The following LGMN variants were observed in gnomAD, a reference collection of about 807,000 sequenced individuals.
The protein encoded by LGMN is legumain.
LGMN carries 36 observed loss-of-function variants against 56.8 expected under a neutral mutation model. The observed-to-expected ratio is 0.63, with a 90% CI of 0.49 to 0.84. The LOEUF is 0.84. LGMN is among the 40% of genes least tolerant of loss of function. The probability of loss-of-function intolerance (pLI) is 0.00; values close to 1 mark genes in which losing one functional copy is unlikely to be tolerated. For synonymous variants in LGMN, 199 were observed against 210.1 expected, an observed-to-expected ratio of 0.95 and a Z score of 0.46; for missense variants, 446 against 556.1, an observed-to-expected ratio of 0.80 and a Z score of 1.99.
chr14:92,704,698 C>T lies in LGMN; in HGVS notation c.1201G>A (p.Ala401Thr). The change falls in exon 13 of 14, where the codon GCG (alanine) becomes ACG (threonine). Residue 401 changes from alanine to threonine, a missense_variant. Transcript: ENST00000334869. The stretch of plus-strand genomic sequence containing the variant: ...ACCAGCACGTACAAATGTCTCAACG[C>T]ATACTCGTACTGGGAGAAAACAAAC... ...FNWHSPTYEY[A>T]LRHLYVLVNL... 6.2e-7 allele frequency: 1 copy of T among 1,613,072 alleles called. No individual in the cohort carries two copies. Among genetic ancestry groups the T allele is most frequent in the Non-Finnish European group, 8.5e-7 (1 of 1,179,006 alleles).
chr14:92,703,826 A>T lies in LGMN; in HGVS notation c.*493T>A. The T allele has an allele frequency of 3.1e-6, 1 of 321,686 alleles. No homozygotes were observed. 19.9% of individuals were successfully genotyped at this position (321,686 alleles called of 1,614,324 possible). ...CGTGAATATTTGGGTTCTGTTATAAATCTTTATTTTTTAAGACTTGAACAC... is the reference window on the plus strand; with the variant it reads ...CGTGAATATTTGGGTTCTGTTATAATTCTTTATTTTTTAAGACTTGAACAC... On this transcript the variant is annotated 3_prime_UTR_variant, in exon 14 of 14. Coordinates refer to ENST00000334869, the MANE Select transcript of LGMN (RefSeq NM_005606.7).
chr14:92,743,352 A>T (rs1315638734), intron 1 of LGMN, among the ~76,000 whole-genome samples: 4 of 152,046 alleles, frequency 2.6e-5, no homozygotes, highest in Non-Finnish European at 5.9e-5. Flanking sequence ...ATACAAAAAA[A>T]ATTAGCCAGG....
intron 11 of LGMN, 60 bp from the exon 12 acceptor site, chr14:92,706,713 A>G: frequency 2.1e-6 from 3 of 1,436,726 alleles, no homozygotes; most frequent in Non-Finnish European, 2.8e-6. Flanking sequence ...TCAGGGACCC[A>G]GGTGCGGTGA....
At chr14:92,713,108 G>A (rs552338236) in intron 7 of LGMN, among the ~76,000 whole-genome samples, 2 of 152,204 alleles carry the variant, frequency 1.3e-5, no homozygotes, top group South Asian at 2.1e-4. Context: ...CAGAGAAAAC[G>A]GAGCCATGGG....
chr14:92,736,439 T>C (rs1192393754), intron 1 of LGMN, among the ~76,000 whole-genome samples: 2 of 151,898 alleles, frequency 1.3e-5, no homozygotes, highest in East Asian at 3.9e-4. Flanking sequence ...CTACTAAAAA[T>C]ACAAAATTTA....
chr14:92,713,370 A>G (rs758382361), intron 7 of LGMN, among the ~76,000 whole-genome samples: 15 of 152,068 alleles, frequency 9.9e-5, no homozygotes, highest in Admixed American at 1.3e-4. Context: ...GTGAGCCACC[A>G]CACCCAGCCA....
At chr14:92,732,574 T>G in intron 2 of LGMN, 75 bp downstream of exon 2, 1 of 1,513,914 alleles carries the variant, frequency 6.6e-7, no homozygotes, top group East Asian at 2.3e-5. Context: ...CTTTTCTATT[T>G]AATATTAACA....
intron 7 of LGMN, among the ~76,000 whole-genome samples, chr14:92,713,365 C>A (rs980306238): frequency 6.6e-6 from 1 of 152,084 alleles, no homozygotes; most frequent in Non-Finnish European, 1.5e-5. Flanking sequence ...CAGGAGTGAG[C>A]CACCACACCC....
intron 2 of LGMN, among the ~76,000 whole-genome samples, chr14:92,728,868 C>A (rs1369037827): frequency 6.6e-6 from 1 of 152,144 alleles, no homozygotes; most frequent in South Asian, 2.1e-4. Context: ...CAATGGAGAT[C>A]TAATAGGACC....
chr14:92,707,967 C>T (rs370538743), intron 11 of LGMN, among the ~76,000 whole-genome samples: 18 of 152,166 alleles, frequency 1.2e-4, no homozygotes, highest in East Asian at 7.7e-4. Flanking sequence ...GTCTGGCCAA[C>T]GTGGTGAAAC....
chr14:92,719,329 G>GCCA (rs1231641155), intron 2 of LGMN, among the ~76,000 whole-genome samples: 10 of 55,430 alleles, frequency 1.8e-4, no homozygotes, highest in South Asian at 1.4e-3. Context: ...CGCCGCCACC[G>GCCA]CCACCGCCAT....
At chr14:92,743,915 A>G (rs1412317644) in intron 1 of LGMN, among the ~76,000 whole-genome samples, 1 of 152,036 alleles carries the variant, frequency 6.6e-6, no homozygotes, top group Non-Finnish European at 1.5e-5. Flanking sequence ...CAGCACTTGG[A>G]AAGGTTGAGG....
Position 92,705,049 on chromosome 14 carries a change from G to A in LGMN, c.1192-342C>T, listed in dbSNP as rs751735191. 1.4e-5 allele frequency: 4 copies of A among 279,508 alleles called. No homozygotes were observed. The East Asian group carries it at 2.6e-4, about 18-fold the overall frequency. The allele number at this position is 279,508 out of a possible 1,614,324, so 17.3% of individuals were successfully genotyped here. A position where few individuals can be genotyped will look rare whatever the true frequency, so the allele number is the denominator to read the frequency against. ...TGCCTTTTGATTCTGGGAGGGACAC[G>A]CCAGCGAGGGAGATGGACGGCGTGT... On this transcript the variant is annotated intron_variant, in intron 12 of 13. Transcript: ENST00000334869.
intron 2 of LGMN, among the ~76,000 whole-genome samples, chr14:92,719,128 ACCACCGCCACCGCCACCACCACCG>A (rs1290346012): frequency 6.7e-6 from 1 of 148,618 alleles, no homozygotes; most frequent in African/African-American, 2.5e-5. Flanking sequence ...CACCACCACA[ACCACCGCCACCGCCACCACCACCG>A]CCACTGCCAC....
At chr14:92,721,448 C>T (rs1250757389) in intron 2 of LGMN, among the ~76,000 whole-genome samples, 1 of 152,214 alleles carries the variant, frequency 6.6e-6, no homozygotes. Flanking sequence ...TTTCACATTT[C>T]TTACCTCCAG....
intron 1 of LGMN, among the ~76,000 whole-genome samples, chr14:92,744,594 G>GTTT (rs1157955787): frequency 1.2e-4 from 15 of 128,232 alleles, no homozygotes; most frequent in Non-Finnish European, 1.7e-4. Context: ...TTATCCTTTA[G>GTTT]TTTTTTTTTT....
intron 2 of LGMN, among the ~76,000 whole-genome samples, chr14:92,722,964 A>G (rs1890554729): frequency 6.6e-6 from 1 of 152,246 alleles, no homozygotes; most frequent in East Asian, 1.9e-4. Flanking sequence ...ATGGTAATGT[A>G]AAGTGGAGCC....
At chr14:92,712,722 C>G (rs548194950) in intron 8 of LGMN, 83 bp downstream of exon 8, 24 of 1,332,450 alleles carry the variant, frequency 1.8e-5, no homozygotes, top group African/African-American at 2.9e-5. Flanking sequence ...CCCCTGCTTA[C>G]GGAGAATGCT....
chr14:92,712,080 G>A (rs1240889909), intron 8 of LGMN, 125 bp from the exon 9 acceptor site: 2 of 728,268 alleles, frequency 2.7e-6, no homozygotes, highest in African/African-American at 1.8e-5. Flanking sequence ...CACACAGGAG[G>A]GCAGGGACAC....
Sources: gnomAD v4.1 joint callset for allele counts (sites outside exome capture counted in the v4.1 genomes callset) on GRCh38, gnomAD v4.1.1 for gene constraint, MANE v1.5 for transcripts, NCBI Gene and HGNC (gene_info 2026-07-23, HGNC 2026-07-21) for gene names.